The following CRISPLD2 variants were observed in gnomAD, a reference collection of about 807,000 sequenced individuals.
CRISPLD2 encodes the protein cysteine-rich secretory protein LCCL domain-containing 2.
Under a neutral mutation model 71.1 loss-of-function variants are expected in CRISPLD2, and 47 were observed. That is an observed-to-expected ratio of 0.66 (90% CI 0.52 to 0.84). The LOEUF (loss-of-function observed/expected upper bound fraction) is 0.84. Among genes scored for constraint, CRISPLD2 ranks in the 40% least tolerant of loss-of-function variants. CRISPLD2 has a pLI of 0.00. For synonymous variants in CRISPLD2, 317 were observed against 250.1 expected (o/e 1.27, Z -2.52); for missense variants, 830 against 651.1 (o/e 1.27, Z -2.99).
chr16:84,830,150 C>A (rs1368495640), intron 1 of CRISPLD2, among the ~76,000 whole-genome samples: 1 of 151,864 alleles, frequency 6.6e-6, no homozygotes, highest in African/African-American at 2.4e-5. Flanking sequence ...TAGTGAAACC[C>A]CTTTTCTACT....
intron 1 of CRISPLD2, among the ~76,000 whole-genome samples, chr16:84,832,702 G>A (rs1397207103): frequency 6.6e-6 from 1 of 152,256 alleles, no homozygotes; most frequent in African/African-American, 2.4e-5. Flanking sequence ...AACAGCATGT[G>A]CAAAAGCAGG....
chr16:84,833,747 GGA>G (rs1194822251), intron 1 of CRISPLD2, among the ~76,000 whole-genome samples: 1 of 152,168 alleles, frequency 6.6e-6, no homozygotes, highest in African/African-American at 2.4e-5. Context: ...TTGTGTTGGT[GGA>G]ACGTCACCAT....
chr16:84,837,487 G>A lies in CRISPLD2; in HGVS notation c.-74-935G>A, dbSNP rs187886809. 4.1e-3 allele frequency among the ~76,000 whole-genome samples: 616 copies of A among 150,870 alleles called. 4 individuals are homozygous for A. The highest frequency in any genetic ancestry group is 0.014 in the African/African-American group (592 of 40,924). ...GCTAGTGTGCAGTGGCGCAATCTCG[G>A]CTCACTGCAAGCTCCGCCTCCCGGG... is the stretch of plus-strand genomic sequence containing the variant. On this transcript the variant is annotated intron_variant, in intron 1 of 14. Transcript: ENST00000262424.
At chr16:84,850,879 C>G (rs774935803) in intron 5 of CRISPLD2, among the ~76,000 whole-genome samples, 196 bp downstream of exon 5, 1 of 152,178 alleles carries the variant, frequency 6.6e-6, no homozygotes, top group African/African-American at 2.4e-5. Flanking sequence ...CGTCTTCCTG[C>G]CGTACCATTC....
chr16:84,883,999 C>T (rs181975797), intron 13 of CRISPLD2, among the ~76,000 whole-genome samples: 4 of 151,998 alleles, frequency 2.6e-5, no homozygotes, highest in Non-Finnish European at 4.4e-5. Context: ...GCCCGCCACC[C>T]ACACCCAGCT....
chr16:84,880,116 C>G (rs549686476), intron 12 of CRISPLD2, among the ~76,000 whole-genome samples: 1 of 152,140 alleles, frequency 6.6e-6, no homozygotes, highest in East Asian at 1.9e-4. Context: ...CACAGGGAAG[C>G]GGCCTTAGAA....
chr16:84,906,407 C>T (rs1411707535), intron 14 of CRISPLD2, among the ~76,000 whole-genome samples, 181 bp from the exon 15 acceptor site: 1 of 152,076 alleles, frequency 6.6e-6, no homozygotes, highest in Non-Finnish European at 1.5e-5. Flanking sequence ...ATGGGATTTG[C>T]CACCTGTTCT....
At chr16:84,881,117 G>A (rs1470350197) in intron 13 of CRISPLD2, among the ~76,000 whole-genome samples, 4 of 152,206 alleles carry the variant, frequency 2.6e-5, no homozygotes, top group South Asian at 2.1e-4. Context: ...AGATTCAGGA[G>A]TGCCTGGCCT....
At chr16:84,831,599 G>A (rs1460979170) in intron 1 of CRISPLD2, among the ~76,000 whole-genome samples, 1 of 151,878 alleles carries the variant, frequency 6.6e-6, no homozygotes, top group Non-Finnish European at 1.5e-5. Flanking sequence ...AGAGACAGGA[G>A]CTCACCATGT....
intron 9 of CRISPLD2, 123 bp downstream of exon 9, chr16:84,872,631 C>A: frequency 2.3e-6 from 2 of 870,840 alleles, no homozygotes; most frequent in Non-Finnish European, 3.7e-6. Flanking sequence ...CCTGGCATTT[C>A]TAGAACTGGG....
At chr16:84,906,526 G>T (rs1436512080) in intron 14 of CRISPLD2, 62 bp from the exon 15 acceptor site, 4 of 1,578,086 alleles carry the variant, frequency 2.5e-6, no homozygotes, top group Non-Finnish European at 3.5e-6. Context: ...TGCCCACCCA[G>T]AGTCCCTGCA....
intron 13 of CRISPLD2, among the ~76,000 whole-genome samples, chr16:84,884,563 G>T (rs2071595842): frequency 6.6e-6 from 1 of 152,322 alleles, no homozygotes; most frequent in South Asian, 2.1e-4. Flanking sequence ...TCCTGTTGCA[G>T]TGGGCCCTGA....
chr16:84,897,995 G>A (rs2143375458), intron 14 of CRISPLD2, among the ~76,000 whole-genome samples: 1 of 152,328 alleles, frequency 6.6e-6, no homozygotes, highest in South Asian at 2.1e-4. Context: ...TCAAGCCCTA[G>A]CCTGTCTAGC....
chr16:84,869,688 A>G (rs1352570734), intron 8 of CRISPLD2, among the ~76,000 whole-genome samples: 3 of 152,184 alleles, frequency 2.0e-5, no homozygotes, highest in African/African-American at 4.8e-5. Flanking sequence ...TTAGGGTAGC[A>G]TTTGCATGTC....
rs761933782 is a variant in CRISPLD2, at chr16:84,906,668, C to A, written c.*26C>A. On this transcript the variant is annotated 3_prime_UTR_variant, in exon 15 of 15. Coordinates refer to ENST00000262424, the MANE Select transcript of CRISPLD2 (RefSeq NM_031476.4). ...ATTTCCAGCACCAGGGGAGAAGGGG[C>A]GTCTTCAGGAGGGCTTCGGGGTTTT... 1 of 1,613,648 alleles carries A rather than the reference C, an allele frequency of 6.2e-7. No homozygotes were observed. The highest frequency in any genetic ancestry group is 8.5e-7 in the Non-Finnish European group (1 of 1,179,596).
At chr16:84,853,888 G>T (rs1482968084) in intron 5 of CRISPLD2, among the ~76,000 whole-genome samples, 1 of 152,226 alleles carries the variant, frequency 6.6e-6, no homozygotes, top group Non-Finnish European at 1.5e-5. Context: ...GCACATGCTG[G>T]CAGCCTGGGG....
intron 6 of CRISPLD2, among the ~76,000 whole-genome samples, chr16:84,858,331 G>A (rs753686484): frequency 2.0e-5 from 3 of 152,130 alleles, no homozygotes; most frequent in Non-Finnish European, 2.9e-5. Context: ...CCAGAGTAAC[G>A]CACCCAGATG....
At chr16:84,854,503 T>C (rs751158340) in intron 5 of CRISPLD2, among the ~76,000 whole-genome samples, 1 of 152,168 alleles carries the variant, frequency 6.6e-6, no homozygotes, top group African/African-American at 2.4e-5. Context: ...GAAGGGCATC[T>C]TGTAGCTCCC....
intron 1 of CRISPLD2, among the ~76,000 whole-genome samples, chr16:84,834,358 A>G (rs1297939251): frequency 6.6e-6 from 1 of 152,232 alleles, no homozygotes; most frequent in African/African-American, 2.4e-5. Context: ...TTCATTGTCA[A>G]TGGAAAAGGG....
Sources: gnomAD v4.1 joint callset for allele counts (sites outside exome capture counted in the v4.1 genomes callset) on GRCh38, gnomAD v4.1.1 for gene constraint, MANE v1.5 for transcripts, NCBI Gene and HGNC (gene_info 2026-07-23, HGNC 2026-07-21) for gene names.